TNFSF10: variants seen among roughly 807,000 people sequenced by gnomAD.
TNFSF10 encodes tumor necrosis factor ligand superfamily member 10.
In TNFSF10, 13 loss-of-function variants were observed where a neutral mutation model predicts 29.5. The observed-to-expected ratio is 0.44, with a 90% CI of 0.29 to 0.70. TNFSF10 has a LOEUF of 0.70. TNFSF10 is among the 30% of genes least tolerant of loss of function. TNFSF10 has a pLI of 0.13. For missense variants in TNFSF10, 345 were observed against 330.9 expected (o/e 1.04, Z -0.33); for synonymous variants, 111 against 112.8 (o/e 0.98, Z 0.10).
chr3:172,509,971 TC>T (rs1357412434), intron 3 of TNFSF10, among the ~76,000 whole-genome samples: 1 of 88,884 alleles, frequency 1.1e-5, no homozygotes, highest in Non-Finnish European at 2.1e-5. Flanking sequence ...AGAGCAAGAC[TC>T]CGTCAAAAAA....
intron 2 of TNFSF10, among the ~76,000 whole-genome samples, chr3:172,512,302 C>G (rs559355966): frequency 6.6e-6 from 1 of 152,260 alleles, no homozygotes; most frequent in South Asian, 2.1e-4. Flanking sequence ...CCTCCCCCAG[C>G]CTTTGTACTA....
intron 1 of TNFSF10, chr3:172,518,066 G>T: frequency 4.0e-6 from 4 of 1,002,970 alleles, no homozygotes; most frequent in South Asian, 8.2e-5. Flanking sequence ...TAATTAATAC[G>T]ATACGTCTCC....
chr3:172,510,742 T>A (rs542830148), intron 3 of TNFSF10, among the ~76,000 whole-genome samples: 5 of 151,934 alleles, frequency 3.3e-5, no homozygotes, highest in Admixed American at 6.6e-5. Flanking sequence ...CACTACTGCT[T>A]TCACCTTTGG....
chr3:172,513,864 A>G (rs1713328244), intron 2 of TNFSF10, among the ~76,000 whole-genome samples: 2 of 149,308 alleles, frequency 1.3e-5, no homozygotes, highest in Non-Finnish European at 3.0e-5. Context: ...TTTGAGATAG[A>G]GTCTTGCTCT....
At chr3:172,519,897 A>G (rs1228937154) in intron 1 of TNFSF10, among the ~76,000 whole-genome samples, 3 of 152,214 alleles carry the variant, frequency 2.0e-5, no homozygotes, top group South Asian at 4.1e-4. Flanking sequence ...TGCGCTGTGC[A>G]TGCACAGTGT....
chr3:172,509,461 C>A, intron 3 of TNFSF10, 140 bp from the exon 4 acceptor site: 2 of 566,742 alleles, frequency 3.5e-6, no homozygotes, highest in Non-Finnish European at 6.0e-6. Context: ...ATAAAAATAA[C>A]ATTTTGATAT....
Position 172,506,893 on chromosome 3 carries a change from G to C in TNFSF10, c.445C>G (p.Arg149Gly). 1 of 1,609,546 alleles carries C rather than the reference G, an allele frequency of 6.2e-7. No homozygotes were observed. The highest frequency in any genetic ancestry group is 8.5e-7 in the Non-Finnish European group (1 of 1,178,554). ...GATGATTCCCAGGAGTTTATTTTGC[G>C]GCCCAGAGCCTTTTCATTCTTGGAG... is the stretch of plus-strand genomic sequence containing the variant. ...PNSKNEKALG[R>G]KINSWESSRS... Residue 149 changes from arginine (R) to glycine (G), a missense_variant, in exon 5 of 5, where the codon CGC becomes GGC. Physicochemically the swap from Arg to Gly is moderately radical, Grantham distance 125. Coordinates refer to ENST00000241261, the MANE Select transcript of TNFSF10 (RefSeq NM_003810.4).
rs1205116742 is a variant in TNFSF10 at position 172,505,836 on chromosome 3, C to T, written c.*656G>A. On this transcript the variant is annotated 3_prime_UTR_variant, in exon 5 of 5. Transcript: ENST00000241261. ...CTGCCTCCCGGGTTCAAACAATTCT[C>T]TTGCCTCAGCCTCTCAAGTAGCTGG... The T allele has an allele frequency of 6.6e-6, 1 of 151,424 alleles. No homozygotes were observed. Among genetic ancestry groups the T allele is most frequent in the Non-Finnish European group, 1.5e-5 (1 of 68,010 alleles). 9.4% of individuals were successfully genotyped at this position (151,424 alleles called of 1,614,324 possible).
chr3:172,511,153 G>A (rs140247487), intron 3 of TNFSF10, among the ~76,000 whole-genome samples: 5 of 152,288 alleles, frequency 3.3e-5, no homozygotes, highest in East Asian at 1.9e-4. Flanking sequence ...GATGAGGATC[G>A]TGGGTGGGTA....
At chr3:172,510,333 G>A (rs766051773) in intron 3 of TNFSF10, among the ~76,000 whole-genome samples, 5 of 152,082 alleles carry the variant, frequency 3.3e-5, no homozygotes, top group Non-Finnish European at 5.9e-5. Context: ...GCCTGTGCCC[G>A]TAGTCCTACT....
chr3:172,511,431 G>A lies in TNFSF10; in HGVS notation c.313+186C>T, dbSNP rs996322632. 3.2e-5 allele frequency: 15 copies of A among 474,846 alleles called. 1 individual carries two copies. Among genetic ancestry groups the A allele is most frequent in the African/African-American group, 2.6e-4 (13 of 49,980 alleles). 29.4% of individuals were successfully genotyped at this position (474,846 alleles called of 1,614,324 possible). On this transcript the variant is annotated intron_variant, in intron 3 of 4. Coordinates refer to ENST00000241261, the MANE Select transcript of TNFSF10 (RefSeq NM_003810.4). ...CTGACCATAGATGGGCCACAGATTTGGTTCTGAGCTTCCTAGCTGCCAATG... is the reference window on the plus strand; with the variant it reads ...CTGACCATAGATGGGCCACAGATTTAGTTCTGAGCTTCCTAGCTGCCAATG...
intron 1 of TNFSF10, among the ~76,000 whole-genome samples, chr3:172,520,461 A>G (rs1007930393): frequency 1.3e-5 from 2 of 152,238 alleles, no homozygotes; most frequent in African/African-American, 4.8e-5. Flanking sequence ...CCACATAACT[A>G]AAAGCAAAAC....
At chr3:172,519,112 T>A (rs1713568881) in intron 1 of TNFSF10, among the ~76,000 whole-genome samples, 1 of 152,240 alleles carries the variant, frequency 6.6e-6, no homozygotes, top group Admixed American at 6.5e-5. Context: ...AGAATTGTTA[T>A]GAGAATTGAA....
chr3:172,512,665 C>G (rs1346922652), intron 2 of TNFSF10, among the ~76,000 whole-genome samples: 1 of 152,210 alleles, frequency 6.6e-6, no homozygotes, highest in Non-Finnish European at 1.5e-5. Flanking sequence ...TCTCTTATCT[C>G]TGCCTCTCAT....
chr3:172,523,372 C>G lies in TNFSF10; in HGVS notation c.13G>C (p.Glu5Gln). The G allele has an allele frequency of 6.2e-7, 1 of 1,613,686 alleles. No individual in the cohort carries two copies. Among genetic ancestry groups the G allele is most frequent in the Non-Finnish European group, 8.5e-7 (1 of 1,179,694 alleles). ...CCCAGGCTGGGTCCCCCCTGGACCT[C>G]CATCATAGCCATGATCCTGTCAGAG... MAMM[E>Q]VQGGPSLGQT... is the part of the protein sequence containing the mutation. Residue 5 changes from glutamate to glutamine, a missense_variant, in exon 1 of 5, where the codon GAG (glutamate) becomes CAG (glutamine). Physicochemically the swap from Glu to Gln is conservative, Grantham distance 29. Coordinates refer to ENST00000241261, the MANE Select transcript of TNFSF10 (RefSeq NM_003810.4).
chr3:172,509,490 G>C (rs982902822), intron 3 of TNFSF10, among the ~76,000 whole-genome samples, 169 bp from the exon 4 acceptor site: 1 of 152,110 alleles, frequency 6.6e-6, no homozygotes, highest in Non-Finnish European at 1.5e-5. Flanking sequence ...ACCTACCTCA[G>C]CTTATGATCA....
In TNFSF10 at chr3:172,514,898, C is replaced by T. The variant is rs1192799592; in HGVS notation, c.233G>A (p.Trp78Ter). The T allele has an allele frequency of 1.1e-5, 18 of 1,614,042 alleles. No homozygotes were observed. Among genetic ancestry groups the T allele is most frequent in the Non-Finnish European group, 1.5e-5 (18 of 1,180,020 alleles). Residue 78 changes from tryptophan to a stop codon, truncating the protein, a stop_gained, in exon 2 of 5, where the codon TGG (tryptophan) becomes TAG (stop). Coordinates refer to ENST00000241261, the MANE Select transcript of TNFSF10 (RefSeq NM_003810.4). LOFTEE classifies it high-confidence loss of function. ...NDEESMNSPC[W>*]QVKWQLRQLV... ...CTGACGGAGTTGCCACTTGACTTGC[C>T]AGCAGGGGCTGTTCATACTCTCTTC...
chr3:172,518,238 C>T, intron 1 of TNFSF10: 6 of 1,138,634 alleles, frequency 5.3e-6, no homozygotes, highest in Non-Finnish European at 5.5e-6. Flanking sequence ...AGCTCTTGCA[C>T]TGGGTGCCTG....
At chr3:172,518,126 T>C in intron 1 of TNFSF10, 6 of 1,027,586 alleles carry the variant, frequency 5.8e-6, no homozygotes, top group Non-Finnish European at 7.0e-6. Flanking sequence ...TCCTGCAGCA[T>C]ATCATAGGCT....
Sources: allele counts gnomAD v4.1 joint callset (sites outside exome capture counted in the v4.1 genomes callset), GRCh38; gene constraint gnomAD v4.1.1; transcripts MANE v1.5; gene names NCBI Gene and HGNC (gene_info 2026-07-23, HGNC 2026-07-21).